The following ADAMTS9 variants were observed in gnomAD, a reference collection of about 807,000 sequenced individuals.
The protein encoded by ADAMTS9 is A disintegrin and metalloproteinase with thrombospondin motifs 9.
ADAMTS9 carries 107 observed loss-of-function variants against 257.1 expected under a neutral mutation model. That is an observed-to-expected ratio of 0.42 (90% CI 0.36 to 0.49). ADAMTS9 has a LOEUF of 0.49. Among genes scored for constraint, ADAMTS9 ranks in the 20% least tolerant of loss-of-function variants. The pLI is 0.03. For synonymous variants in ADAMTS9, 982 were observed against 880.9 expected (o/e 1.11, Z -2.03); for missense variants, 2,353 against 2,469.1 (o/e 0.95, Z 1.00).
At chr3:64,632,257 C>A (rs1030223691) in intron 14 of ADAMTS9, among the ~76,000 whole-genome samples, 2 of 151,196 alleles carry the variant, frequency 1.3e-5, no homozygotes, top group African/African-American at 2.4e-5. Context: ...TAAGTAAGCA[C>A]AGTAATTTTT....
intron 12 of ADAMTS9, among the ~76,000 whole-genome samples, chr3:64,635,163 C>A (rs769770563): frequency 2.6e-4 from 39 of 152,182 alleles, no homozygotes; most frequent in Non-Finnish European, 5.0e-4. Context: ...ACTCAGTGCT[C>A]CTGCAGCGTG....
chr3:64,518,282 C>T (rs78512936), intron 39 of ADAMTS9, among the ~76,000 whole-genome samples: 2,257 of 152,244 alleles, frequency 0.015, 45 homozygotes, highest in African/African-American at 0.052. Context: ...CCTTCATTTC[C>T]TTAGCTCCTT....
chr3:64,607,230 G>T, intron 22 of ADAMTS9, 151 bp from the exon 23 acceptor site: 1 of 872,914 alleles, frequency 1.1e-6, no homozygotes, highest in Non-Finnish European at 1.7e-6. Flanking sequence ...GGGCAATCCT[G>T]CTCTGTACAA....
At chr3:64,532,418 T>C (rs189837585) in intron 38 of ADAMTS9, among the ~76,000 whole-genome samples, 12 of 152,326 alleles carry the variant, frequency 7.9e-5, no homozygotes. Context: ...TATCGGTACC[T>C]GAAGTAGGGT....
intron 38 of ADAMTS9, chr3:64,522,493 T>G (rs1201177448): frequency 1.3e-5 from 5 of 370,742 alleles, no homozygotes; most frequent in Non-Finnish European, 2.4e-5. Context: ...GATTTTTATA[T>G]TTTTAAATAA....
At chr3:64,597,792 CTTT>C (rs1213130297) in intron 26 of ADAMTS9, among the ~76,000 whole-genome samples, 4 of 152,178 alleles carry the variant, frequency 2.6e-5, no homozygotes, top group Non-Finnish European at 4.4e-5. Context: ...TCCATAACTT[CTTT>C]ATCTTTTTAA....
intron 23 of ADAMTS9, among the ~76,000 whole-genome samples, chr3:64,606,551 A>G (rs1357139125): frequency 6.6e-6 from 1 of 152,232 alleles, no homozygotes; most frequent in Admixed American, 6.5e-5. Context: ...GGTTATACTT[A>G]ATAATCAGTT....
At chr3:64,652,801 T>C (rs1202368424) in intron 8 of ADAMTS9, among the ~76,000 whole-genome samples, 1 of 152,122 alleles carries the variant, frequency 6.6e-6, no homozygotes, top group East Asian at 1.9e-4. Context: ...ATAGTACAGG[T>C]TGAACATCCC....
At chr3:64,527,900 G>A (rs1167199956) in intron 38 of ADAMTS9, among the ~76,000 whole-genome samples, 1 of 152,192 alleles carries the variant, frequency 6.6e-6, no homozygotes, top group East Asian at 1.9e-4. Context: ...CTGAGCATGT[G>A]TGTGTGTACA....
At position 64,681,278 on chromosome 3, in the gene ADAMTS9, T is replaced by C; in HGVS notation, c.602A>G (p.Asn201Ser). ...MDEQEDEEEQ[N>S]KPHIIYRRSA... The stretch of plus-strand genomic sequence containing the variant: ...GCGCCTATAAATGATGTGGGGTTTG[T>C]TTTGTTCCTCTTCATCTTCTTGTTC... The change falls in exon 3 of 40, where the codon AAC (asparagine) becomes AGC (serine). Residue 201 changes from asparagine to serine, a missense_variant. Coordinates refer to ENST00000498707, the MANE Select transcript of ADAMTS9 (RefSeq NM_182920.2). 6.2e-7 allele frequency: 1 copy of C among 1,614,110 alleles called. No homozygotes were observed.
In ADAMTS9 at chr3:64,687,712, T is replaced by C. The variant is rs1483244152; in HGVS notation, c.-55A>G. ...CCACCCCCCTCCCTCCTGCCCTCCT[T>C]GGCTGCGGCGGCGACGCGAGGCAGC... On this transcript the variant is annotated 5_prime_UTR_variant, in exon 1 of 40. Transcript: ENST00000498707. This position sits in a 1 kb window ranked among gnomAD's most constrained non-coding sequence, Gnocchi z 4.4. The C allele has an allele frequency of 7.8e-7, 1 of 1,289,558 alleles. No homozygotes were observed. Among genetic ancestry groups the C allele is most frequent in the Middle Eastern group, 2.8e-4 (1 of 3,618 alleles). 79.9% of individuals were successfully genotyped at this position (1,289,558 alleles called of 1,614,324 possible).
At chr3:64,593,585 T>C (rs900670734) in intron 28 of ADAMTS9, among the ~76,000 whole-genome samples, 3 of 152,182 alleles carry the variant, frequency 2.0e-5, no homozygotes, top group African/African-American at 7.2e-5. Context: ...TGTCTCACCA[T>C]GTCAGCTGCT....
At chr3:64,675,762 G>A (rs1308449603) in intron 3 of ADAMTS9, among the ~76,000 whole-genome samples, 1 of 152,116 alleles carries the variant, frequency 6.6e-6, no homozygotes, top group Non-Finnish European at 1.5e-5. Flanking sequence ...GTGACATTTT[G>A]GACAAGTTTC....
intron 28 of ADAMTS9, chr3:64,568,779 G>A: frequency 2.5e-6 from 1 of 404,538 alleles, no homozygotes; most frequent in Non-Finnish European, 4.4e-6. Flanking sequence ...AAGAGTGTGG[G>A]TAAATCCTGA....
At chr3:64,669,400 A>G (rs1466273123) in intron 3 of ADAMTS9, among the ~76,000 whole-genome samples, 1 of 152,110 alleles carries the variant, frequency 6.6e-6, no homozygotes, top group Non-Finnish European at 1.5e-5. Flanking sequence ...CAGCCTGGAA[A>G]GAACACAGGA....
At chr3:64,529,277 T>A (rs1331409441) in intron 38 of ADAMTS9, among the ~76,000 whole-genome samples, 4 of 152,258 alleles carry the variant, frequency 2.6e-5, no homozygotes, top group African/African-American at 9.6e-5. Flanking sequence ...TTTTGACCAG[T>A]TCTGCTCTTG....
intron 32 of ADAMTS9, among the ~76,000 whole-genome samples, chr3:64,545,181 A>G (rs1270219579): frequency 6.6e-6 from 1 of 152,226 alleles, no homozygotes; most frequent in Non-Finnish European, 1.5e-5. Flanking sequence ...TAGTTCAACC[A>G]TTGTGGAAGA....
Position 64,595,491 on chromosome 3 carries a change from C to A in ADAMTS9, c.4180-1057G>T, listed in dbSNP as rs1412307914. On this transcript the variant is annotated intron_variant, in intron 27 of 39. Transcript: ENST00000498707. ...GGTCTGTGCTGACAGCAAAGCATCC[C>A]AGCAAGTTCGTGTACTCTCCTGGCT... Among the ~76,000 whole-genome samples the A allele has an allele frequency of 2.0e-5, 3 of 152,220 alleles. No individual in the cohort carries two copies. In the South Asian group the frequency reaches 6.2e-4, roughly 32 times the overall value.
At chr3:64,665,408 G>A (rs949659374) in intron 3 of ADAMTS9, among the ~76,000 whole-genome samples, 17 of 152,168 alleles carry the variant, frequency 1.1e-4, no homozygotes, top group African/African-American at 1.7e-4. Flanking sequence ...CACTTACAAT[G>A]TGGAGTAAGA....
Sources: allele counts gnomAD v4.1 joint callset (sites outside exome capture counted in the v4.1 genomes callset), GRCh38; gene constraint gnomAD v4.1.1; non-coding constraint Gnocchi (gnomAD v3.1); transcripts MANE v1.5; gene names NCBI Gene and HGNC (gene_info 2026-07-23, HGNC 2026-07-21).